Variants in MEIKIN observed in about 807,000 individuals in gnomAD.
MEIKIN encodes meiotic kinetochore factor, also known as meiosis-specific kinetochore protein.
At chr5:131,847,724 T>C (rs1286909403) in intron 11 of MEIKIN, among the ~76,000 whole-genome samples, 1 of 152,050 alleles carries the variant, frequency 6.6e-6, no homozygotes, top group South Asian at 2.1e-4. Flanking sequence ...AGCATATATA[T>C]TCTTCTCAAG....
chr5:131,812,550 A>G (rs1773015758), intron 12 of MEIKIN, among the ~76,000 whole-genome samples: 1 of 152,218 alleles, frequency 6.6e-6, no homozygotes, highest in Non-Finnish European at 1.5e-5. Context: ...TATAACCAAA[A>G]GGCAGACACA....
intron 11 of MEIKIN, among the ~76,000 whole-genome samples, chr5:131,827,347 C>G (rs1467997781): frequency 6.6e-6 from 1 of 151,994 alleles, no homozygotes; most frequent in Non-Finnish European, 1.5e-5. Context: ...ACAAAAAAAA[C>G]TGGATGAAAG....
rs1751341046 is a variant in MEIKIN, at chr5:131,911,983, T to C, written c.639-104A>G. ...ATAAAGATATTTATTTGAGATTAAT[T>C]ATCCTGTGGGAAAATATACAGTTGC... On this transcript the variant is annotated intron_variant, in intron 7 of 12. Transcript: ENST00000442687. The C allele has an allele frequency of 7.7e-6, 3 of 387,412 alleles. No individual in the cohort carries two copies. The East Asian group carries it at 1.1e-4, about 14-fold the overall frequency. 24.0% of individuals were successfully genotyped at this position (387,412 alleles called of 1,614,324 possible).
At chr5:131,909,523 A>T (rs1324117410) in intron 8 of MEIKIN, among the ~76,000 whole-genome samples, 2 of 152,198 alleles carry the variant, frequency 1.3e-5, no homozygotes, top group Non-Finnish European at 2.9e-5. Context: ...TATCTTGAGT[A>T]ATACCCCACA....
chr5:131,809,102 G>A (rs1327086370), intron 12 of MEIKIN, among the ~76,000 whole-genome samples: 1 of 151,928 alleles, frequency 6.6e-6, no homozygotes, highest in Admixed American at 6.6e-5. Flanking sequence ...CCTCTATTGG[G>A]CTTGTTTTAC....
chr5:131,855,905 C>G (rs957350522), intron 9 of MEIKIN, among the ~76,000 whole-genome samples: 7 of 152,166 alleles, frequency 4.6e-5, no homozygotes, highest in African/African-American at 1.7e-4. Context: ...AGCTTTATTT[C>G]TAGAAATCAG....
chr5:131,831,466 G>A lies in MEIKIN; in HGVS notation c.976-12603C>T, dbSNP rs567609358. On this transcript the variant is annotated intron_variant, in intron 11 of 12. Coordinates refer to ENST00000442687, the MANE Select transcript of MEIKIN (RefSeq NM_001303622.2). ...TAGCTACTCAGGAGGCTGAAGTGGG[G>A]AGATTGCTTAAGCCCAGGAGTTTGA... Among the ~76,000 whole-genome samples, 27 of 152,252 alleles carry A rather than the reference G, an allele frequency of 1.8e-4. No individual in the cohort carries two copies. The South Asian group carries it at 2.5e-3, about 14-fold the overall frequency.
chr5:131,897,691 C>T (rs953435075), intron 8 of MEIKIN, among the ~76,000 whole-genome samples: 1 of 152,116 alleles, frequency 6.6e-6, no homozygotes, highest in African/African-American at 2.4e-5. Flanking sequence ...GCTATTGAAG[C>T]TCGTGCATGC....
chr5:131,931,719 T>G (rs1183218087), intron 5 of MEIKIN, among the ~76,000 whole-genome samples: 1 of 152,202 alleles, frequency 6.6e-6, no homozygotes, highest in Non-Finnish European at 1.5e-5. Context: ...GACTATTTTC[T>G]GAATTTTTCA....
intron 11 of MEIKIN, among the ~76,000 whole-genome samples, chr5:131,846,281 C>T (rs1750021945): frequency 6.6e-6 from 1 of 151,902 alleles, no homozygotes; most frequent in South Asian, 2.1e-4. Context: ...TAAGGGAGTC[C>T]TATAAGGTGA....
chr5:131,839,685 G>C (rs1348625989), intron 11 of MEIKIN, among the ~76,000 whole-genome samples: 1 of 152,000 alleles, frequency 6.6e-6, no homozygotes. Flanking sequence ...GCTTTTTTCT[G>C]TTTTCCATTT....
intron 9 of MEIKIN, among the ~76,000 whole-genome samples, chr5:131,873,668 A>C (rs1042128229): frequency 1.3e-5 from 2 of 152,178 alleles, no homozygotes; most frequent in Non-Finnish European, 2.9e-5. Flanking sequence ...ATCTACAGAA[A>C]TCTCCACCCC....
intron 4 of MEIKIN, among the ~76,000 whole-genome samples, chr5:131,940,545 C>G (rs1751851780): frequency 6.6e-6 from 1 of 152,086 alleles, no homozygotes; most frequent in Admixed American, 6.6e-5. Context: ...TGCCTCTTTT[C>G]CATGGAACTG....
chr5:131,906,629 T>C (rs1751247366), intron 8 of MEIKIN, among the ~76,000 whole-genome samples: 1 of 152,144 alleles, frequency 6.6e-6, no homozygotes, highest in East Asian at 1.9e-4. Context: ...TGTTCATCAA[T>C]GGTAGACTAG....
intron 5 of MEIKIN, among the ~76,000 whole-genome samples, chr5:131,925,789 C>T (rs1415591894): frequency 6.6e-6 from 1 of 152,156 alleles, no homozygotes; most frequent in Non-Finnish European, 1.5e-5. Flanking sequence ...CTGCCTCAGC[C>T]TCCTGAGTAG....
At chr5:131,818,610 C>T (rs772921655) in intron 12 of MEIKIN, 130 bp downstream of exon 12, 42 of 359,678 alleles carry the variant, frequency 1.2e-4, no homozygotes, top group Non-Finnish European at 1.9e-4. Flanking sequence ...ATAATTTTAC[C>T]ATTTCCACTT....
intron 8 of MEIKIN, among the ~76,000 whole-genome samples, chr5:131,910,793 T>A (rs1277156143): frequency 1.3e-5 from 2 of 152,170 alleles, no homozygotes; most frequent in South Asian, 4.1e-4. Flanking sequence ...AAGTGGCTTA[T>A]TTAATTTTAA....
At chr5:131,936,960 CTCT>C (rs975907500) in intron 4 of MEIKIN, among the ~76,000 whole-genome samples, 26 of 152,194 alleles carry the variant, frequency 1.7e-4, no homozygotes, top group South Asian at 6.2e-4. Context: ...CCCTCTCTCC[CTCT>C]TCTTCTGTCT....
intron 8 of MEIKIN, among the ~76,000 whole-genome samples, chr5:131,888,208 C>A (rs1178376627): frequency 1.4e-5 from 2 of 147,374 alleles, no homozygotes; most frequent in East Asian, 3.9e-4. Flanking sequence ...GATTTATAGT[C>A]CTTTGGGTAT....
Sources: allele counts gnomAD v4.1 joint callset (sites outside exome capture counted in the v4.1 genomes callset), GRCh38; gene constraint gnomAD v4.1.1; transcripts MANE v1.5; gene names NCBI Gene and HGNC (gene_info 2026-07-23, HGNC 2026-07-21).